The following XDH variants were observed in gnomAD, a reference collection of about 807,000 sequenced individuals.
XDH encodes xanthine dehydrogenase.
Under a neutral mutation model 156.1 loss-of-function variants are expected in XDH, and 138 were observed. The observed-to-expected ratio is 0.88, with a 90% confidence interval of 0.77 to 1.02. The LOEUF is 1.02. Among genes scored for constraint, XDH ranks in the 50% least tolerant of loss-of-function variants. The pLI is 0.00. For synonymous variants in XDH, 669 were observed against 625.7 expected, an observed-to-expected ratio of 1.07 and a Z score of -1.03; for missense variants, 1,849 against 1,684.9, an observed-to-expected ratio of 1.10 and a Z score of -1.71.
intron 24 of XDH, among the ~76,000 whole-genome samples, chr2:31,357,732 A>C (rs1685662921): frequency 6.6e-6 from 1 of 152,022 alleles, no homozygotes; most frequent in Admixed American, 6.6e-5. Flanking sequence ...AACACAGAAA[A>C]ATGATAAATT....
chr2:31,384,735 C>T (rs899506269), intron 9 of XDH, among the ~76,000 whole-genome samples: 2 of 152,158 alleles, frequency 1.3e-5, no homozygotes, highest in Admixed American at 6.5e-5. Flanking sequence ...TTTGTGGATC[C>T]CCAGATTCCA....
At position 31,354,090 on chromosome 2, in the gene XDH, C is replaced by A. The variant is rs141279256; in HGVS notation, c.2632-3867G>T. 3.9e-3 allele frequency among the ~76,000 whole-genome samples: 601 copies of A among 152,316 alleles called. 6 individuals carry two copies. The highest frequency in any genetic ancestry group is 0.014 in the African/African-American group (584 of 41,566). On this transcript the variant is annotated intron_variant, in intron 24 of 35. Coordinates refer to ENST00000379416, the MANE Select transcript of XDH (RefSeq NM_000379.4). The stretch of plus-strand genomic sequence containing the variant: ...GCCAGTGGTAAAGAGGCCACCCACA[C>A]CATGATGTCCATGGACAACACGTGG...
In XDH at chr2:31,349,658, CA is replaced by C. The variant is rs1372426019; in HGVS notation, c.2969+27del. The C allele has an allele frequency of 5.0e-6, 8 of 1,612,656 alleles. No individual in the cohort carries two copies. In the African/African-American group the frequency reaches 9.5e-5, roughly 19 times the overall value. ...CTGTAGGATATGAAACCCAGAAGAG[CA>C]ACTGGACTTCTACTCCTAGTGCTTA... On this transcript the variant is annotated intron_variant, in intron 26 of 35. Coordinates refer to ENST00000379416, the MANE Select transcript of XDH (RefSeq NM_000379.4).
chr2:31,363,525 A>G (rs1044849142), intron 24 of XDH, among the ~76,000 whole-genome samples: 6 of 152,196 alleles, frequency 3.9e-5, no homozygotes, highest in East Asian at 1.9e-4. Context: ...GAGTTCAAAC[A>G]CTGGATTGTG....
At position 31,373,861 on chromosome 2, in the gene XDH, G is replaced by C. The variant is rs1430252668; in HGVS notation, c.1686+12C>G. 6.2e-7 allele frequency: 1 copy of C among 1,613,492 alleles called. No individual in the cohort carries two copies. The highest frequency in any genetic ancestry group is 8.5e-7 in the Non-Finnish European group (1 of 1,179,606). ...AGTCCCCTGATATTAGCCATACACT[G>C]ACCGTACTCACTTGGAAGAGCTGGA... On this transcript the variant is annotated intron_variant, in intron 16 of 35. Coordinates refer to ENST00000379416, the MANE Select transcript of XDH (RefSeq NM_000379.4).
intron 24 of XDH, among the ~76,000 whole-genome samples, chr2:31,358,928 G>C (rs543380346): frequency 6.6e-6 from 1 of 152,054 alleles, no homozygotes; most frequent in East Asian, 1.9e-4. Context: ...TAAAGAAAAG[G>C]AGATGAAAAC....
At chr2:31,411,230 G>A (rs929469303) in intron 1 of XDH, among the ~76,000 whole-genome samples, 11 of 149,740 alleles carry the variant, frequency 7.3e-5, no homozygotes, top group Non-Finnish European at 1.5e-4. Context: ...GCAGTGAGCC[G>A]AGATCGCGCC....
intron 6 of XDH, among the ~76,000 whole-genome samples, chr2:31,390,477 G>C (rs1287600600): frequency 6.6e-6 from 1 of 152,218 alleles, no homozygotes; most frequent in African/African-American, 2.4e-5. Flanking sequence ...AAGCATGCCT[G>C]TGCAGGTTTT....
At chr2:31,412,867 A>T (rs1404930941) in intron 1 of XDH, among the ~76,000 whole-genome samples, 1 of 152,198 alleles carries the variant, frequency 6.6e-6, no homozygotes, top group Non-Finnish European at 1.5e-5. Context: ...ATGCTACATC[A>T]TTATAAATTA....
intron 24 of XDH, among the ~76,000 whole-genome samples, chr2:31,353,666 A>C (rs1449888605): frequency 6.6e-6 from 1 of 152,194 alleles, no homozygotes; most frequent in Non-Finnish European, 1.5e-5. Context: ...TATATTCCAA[A>C]TCCTTTTATC....
At chr2:31,388,874 C>T (rs45591032) in intron 6 of XDH, among the ~76,000 whole-genome samples, 4,470 of 152,288 alleles carry the variant, frequency 0.029, 217 homozygotes, top group African/African-American at 0.1. Context: ...TCACTGTGGG[C>T]CTGTTCTGGA....
chr2:31,341,968 C>G (rs1685135127), intron 32 of XDH, among the ~76,000 whole-genome samples: 1 of 152,186 alleles, frequency 6.6e-6, no homozygotes, highest in African/African-American at 2.4e-5. Context: ...TGCTGTCACA[C>G]TTCAATGGTA....
Position 31,370,410 on chromosome 2 carries a change from G to A in XDH, c.1925C>T (p.Pro642Leu), listed in dbSNP as rs1162328648. 1.2e-6 allele frequency: 2 copies of A among 1,614,156 alleles called. No homozygotes were observed. The highest frequency in any genetic ancestry group is 3.3e-5 in the Admixed American group (2 of 60,012). The change falls in exon 18 of 36, where the codon CCT becomes CTT. Residue 642 changes from proline to leucine, a missense_variant. By Grantham distance (98) the Pro-to-Leu change is moderately conservative (BLOSUM62 -3). Coordinates refer to ENST00000379416, the MANE Select transcript of XDH (RefSeq NM_000379.4). ...ACAAATTCCAGTTATGTTACTCCCA[G>A]GAACATCATCAGCGGAAATGAAACA... Reference protein sequence around the residue: ...FVCFISADDVPGSNITGICND... With the variant: ...FVCFISADDVLGSNITGICND...
At chr2:31,339,070 G>T (rs986489634) in intron 34 of XDH, among the ~76,000 whole-genome samples, 2 of 152,072 alleles carry the variant, frequency 1.3e-5, no homozygotes, top group African/African-American at 2.4e-5. Context: ...GGAGGTAAAA[G>T]GGTGTGTACA....
rs761728345 is a variant in XDH at position 31,387,822 on chromosome 2, G to A, written c.640C>T (p.Pro214Ser). ...GAGGCATCACCTACCAGCAACTCTG[G>A]GGGAAAAATGGGCTCCTGGGTTGGA... ...LDPTQEPIFPPELLRLKDTPR... is the reference protein window; with the variant it reads ...LDPTQEPIFPSELLRLKDTPR... Residue 214 changes from proline to serine, a missense_variant, in exon 8 of 36, where the codon CCA (proline) becomes TCA (serine). Pro to Ser is a moderately conservative substitution (Grantham distance 74). Coordinates refer to ENST00000379416, the MANE Select transcript of XDH (RefSeq NM_000379.4). 4 of 1,582,626 alleles carry A rather than the reference G, an allele frequency of 2.5e-6. No individual in the cohort carries two copies. In the South Asian group the frequency reaches 3.5e-5, roughly 14 times the overall value.
intron 6 of XDH, among the ~76,000 whole-genome samples, chr2:31,397,433 G>A (rs372033514): frequency 2.6e-5 from 4 of 152,310 alleles, no homozygotes; most frequent in East Asian, 3.9e-4. Flanking sequence ...CCAGGAAGCC[G>A]GTCTCCAGAC....
intron 4 of XDH, among the ~76,000 whole-genome samples, chr2:31,399,983 C>T (rs747142237): frequency 1.3e-5 from 2 of 152,076 alleles, no homozygotes; most frequent in Non-Finnish European, 1.5e-5. Context: ...AATAACAAGC[C>T]TTAATTAACC....
chr2:31,410,330 G>A (rs1393235342), intron 1 of XDH, among the ~76,000 whole-genome samples: 1 of 152,114 alleles, frequency 6.6e-6, no homozygotes, highest in African/African-American at 2.4e-5. Flanking sequence ...ATGAATGTAT[G>A]TAATACCACT....
rs1468490676 is a variant in XDH, at chr2:31,386,419, T to C, written c.788A>G (p.Glu263Gly). 3.7e-6 allele frequency: 6 copies of C among 1,612,850 alleles called. No homozygotes were observed. The highest frequency in any genetic ancestry group is 5.1e-6 in the Non-Finnish European group (6 of 1,179,988). Residue 263 changes from glutamate to glycine, a missense_variant, in exon 9 of 36, where the codon GAG becomes GGG. Physicochemically the swap from Glu to Gly is moderately conservative, Grantham distance 98. Transcript: ENST00000379416. The stretch of plus-strand genomic sequence containing the variant: ...GCAGCCTCCCTGGCCCTTACCAATC[T>C]CCGTGTTCCCCACGACCAGCTTGGC... ...PDAKLVVGNTEIGIEMKFKNM... is the reference protein window; with the variant it reads ...PDAKLVVGNTGIGIEMKFKNM...
Sources: gnomAD v4.1 joint callset for allele counts (sites outside exome capture counted in the v4.1 genomes callset) on GRCh38, gnomAD v4.1.1 for gene constraint, MANE v1.5 for transcripts, NCBI Gene and HGNC (gene_info 2026-07-23, HGNC 2026-07-21) for gene names.